SORL1: variants seen among roughly 807,000 people sequenced by gnomAD.
SORL1 encodes sortilin related receptor 1, also known as sortilin-related receptor.
Under a neutral mutation model 273.7 loss-of-function variants are expected in SORL1, and 127 were observed. The observed-to-expected ratio is 0.46, with a 90% CI of 0.40 to 0.54. The LOEUF is 0.54. Among genes scored for constraint, SORL1 ranks in the 20% least tolerant of loss-of-function variants. The pLI is 0.00. For missense variants in SORL1, 2,494 were observed against 2,846.1 expected (o/e 0.88, Z 2.81); for synonymous variants, 1,031 against 1,067.4 (o/e 0.97, Z 0.66).
intron 38 of SORL1, 165 bp from the exon 39 acceptor site, chr11:121,610,911 A>C (rs1863552954): frequency 1.7e-6 from 1 of 571,796 alleles, no homozygotes; most frequent in Non-Finnish European, 3.1e-6. Context: ...CCTTAGCTTC[A>C]GGAAAACAGT....
At chr11:121,585,494 T>A (rs980675321) in intron 26 of SORL1, among the ~76,000 whole-genome samples, 4 of 115,742 alleles carry the variant, frequency 3.5e-5, no homozygotes, top group Non-Finnish European at 1.7e-5. Context: ...AAAAAAAAAA[T>A]GTATATACAC....
At chr11:121,520,504 G>C (rs1862023445) in intron 8 of SORL1, among the ~76,000 whole-genome samples, 153 bp from the exon 9 acceptor site, 1 of 152,182 alleles carries the variant, frequency 6.6e-6, no homozygotes, top group Non-Finnish European at 1.5e-5. Context: ...ATGATGAAAT[G>C]TTCTGGAACT....
intron 8 of SORL1, among the ~76,000 whole-genome samples, chr11:121,519,360 A>G (rs917699462): frequency 4.0e-5 from 6 of 151,642 alleles, no homozygotes; most frequent in Non-Finnish European, 7.4e-5. Context: ...TGGCTGTGGC[A>G]TCAGGGTATC....
intron 32 of SORL1, among the ~76,000 whole-genome samples, chr11:121,598,915 T>C (rs1863343172): frequency 6.6e-6 from 1 of 152,250 alleles, no homozygotes; most frequent in South Asian, 2.1e-4. Context: ...TTTCTTTGAC[T>C]AAAAGTCAAG....
intron 47 of SORL1, 28 bp from the exon 48 acceptor site, chr11:121,629,468 C>T: frequency 2.3e-6 from 3 of 1,295,362 alleles, no homozygotes; most frequent in Non-Finnish European, 3.4e-6. Context: ...TGTTGGAACT[C>T]ACCAAGGCCT....
chr11:121,586,153 C>T (rs555249743), intron 26 of SORL1, 69 bp from the exon 27 acceptor site: 567 of 1,270,740 alleles, frequency 4.5e-4, no homozygotes, highest in Non-Finnish European at 6.0e-4. Flanking sequence ...GTACTCCCGC[C>T]AGCACTGTGT....
chr11:121,475,769 G>T (rs892250006), intron 2 of SORL1, among the ~76,000 whole-genome samples: 4 of 152,154 alleles, frequency 2.6e-5, no homozygotes, highest in Admixed American at 2.6e-4. Context: ...GGTATGACCC[G>T]GAGCTAGCCA....
At chr11:121,587,949 C>T in intron 27 of SORL1, 71 bp from the exon 28 acceptor site, 1 of 1,590,168 alleles carries the variant, frequency 6.3e-7, no homozygotes, top group South Asian at 1.1e-5. Context: ...CTCGTGTGCA[C>T]TTGCCCAGGG....
At chr11:121,566,739 G>T in intron 21 of SORL1, 1 of 526,994 alleles carries the variant, frequency 1.9e-6, no homozygotes. Context: ...TGATCTGGCT[G>T]AAGACAGGAT....
chr11:121,537,360 G>A (rs961913756), intron 12 of SORL1, among the ~76,000 whole-genome samples: 3 of 152,190 alleles, frequency 2.0e-5, no homozygotes, highest in Non-Finnish European at 4.4e-5. Flanking sequence ...TCAGTGGAGA[G>A]AGACTGGAGG....
At chr11:121,625,980 T>A (rs1863789816) in intron 46 of SORL1, among the ~76,000 whole-genome samples, 1 of 152,200 alleles carries the variant, frequency 6.6e-6, no homozygotes, top group South Asian at 2.1e-4. Flanking sequence ...TCATAGTGTT[T>A]CTCAGGGTGA....
rs1229345903 is a variant in SORL1 at position 121,545,448 on chromosome 11, G to A, written c.2051+19G>A. The A allele has an allele frequency of 1.2e-6, 2 of 1,611,900 alleles. No homozygotes were observed. Among genetic ancestry groups the A allele is most frequent in the Middle Eastern group, 1.7e-4 (1 of 5,894 alleles). Reference sequence around the variant, plus strand: ...ATGAGTGGTCAGTTCTTCTTTGATGGCTGGGGACTGAGTTGTGTTTTATTC... The same window carrying A: ...ATGAGTGGTCAGTTCTTCTTTGATGACTGGGGACTGAGTTGTGTTTTATTC... On this transcript the variant is annotated intron_variant, in intron 14 of 47. Coordinates refer to ENST00000260197, the MANE Select transcript of SORL1 (RefSeq NM_003105.6).
rs1863456165 is a variant in SORL1, at chr11:121,605,544, T to A, written c.4921T>A (p.Phe1641Ile). Residue 1641 changes from phenylalanine (F) to isoleucine (I), a missense_variant, in exon 35 of 48, where the codon TTT becomes ATT. By Grantham distance (21) the Phe-to-Ile change is conservative. Transcript: ENST00000260197. Reference sequence around the variant, plus strand: ...CAGCAAGGCACACAACACCAATGACTTTGTGACCCTGAGGACCCCAGAGGG... The same window carrying A: ...CAGCAAGGCACACAACACCAATGACATTGTGACCCTGAGGACCCCAGAGGG... ...CLSKAHNTND[F>I]VTLRTPEGLP... 1 of 1,613,922 alleles carries A rather than the reference T, an allele frequency of 6.2e-7. No homozygotes were observed. The highest frequency in any genetic ancestry group is 1.7e-5 in the Admixed American group (1 of 59,998).
rs1374154140 is a variant in SORL1 at position 121,596,096 on chromosome 11, A to G, written c.4519+324A>G. 6.6e-6 allele frequency among the ~76,000 whole-genome samples: 1 copy of G among 152,240 alleles called. No individual in the cohort carries two copies. The highest frequency in any genetic ancestry group is 1.5e-5 in the Non-Finnish European group (1 of 68,046). ...TTTAAAAACGCCCTTGGGGAAAGCCACAACTCTTCTGTATGTACATTCATT... is the reference window on the plus strand; with the variant it reads ...TTTAAAAACGCCCTTGGGGAAAGCCGCAACTCTTCTGTATGTACATTCATT... On this transcript the variant is annotated intron_variant, in intron 32 of 47. Coordinates refer to ENST00000260197, the MANE Select transcript of SORL1 (RefSeq NM_003105.6). This position sits in a 1 kb window ranked among gnomAD's most constrained non-coding sequence, Gnocchi z 4.3.
chr11:121,467,922 C>T lies in SORL1; in HGVS notation c.286-2085C>T, dbSNP rs1008180694. ...TAGGTCCTTTTCTTTAAAGTAAGGT[C>T]GCCTTTCAAATGTTTTTCAAAAAGA... On this transcript the variant is annotated intron_variant, in intron 1 of 47. Coordinates refer to ENST00000260197, the MANE Select transcript of SORL1 (RefSeq NM_003105.6). Among the ~76,000 whole-genome samples the T allele has an allele frequency of 1.5e-3, 221 of 152,224 alleles. 1 individual carries two copies. The highest frequency in any genetic ancestry group is 5.1e-3 in the African/African-American group (211 of 41,516).
At position 121,545,237 on chromosome 11, in the gene SORL1, C is replaced by A; in HGVS notation, c.1865-6C>A. The A allele has an allele frequency of 1.9e-6, 3 of 1,613,898 alleles. No individual in the cohort carries two copies. The highest frequency in any genetic ancestry group is 2.5e-6 in the Non-Finnish European group (3 of 1,179,846). ...AATGCTTCGTGCTGTGTTCCTTTTT[C>A]TTTAGGAGTTCCCTGCACAGAGAAT... On this transcript the variant is annotated splice_polypyrimidine_tract_variant and splice_region_variant and intron_variant, in intron 13 of 47. Transcript: ENST00000260197.
At chr11:121,546,668 G>A (rs1191761095) in intron 14 of SORL1, among the ~76,000 whole-genome samples, 1 of 152,190 alleles carries the variant, frequency 6.6e-6, no homozygotes, top group Non-Finnish European at 1.5e-5. Flanking sequence ...TAGGCCATAT[G>A]GTTTCTATGA....
intron 11 of SORL1, among the ~76,000 whole-genome samples, chr11:121,529,686 G>A (rs1387674701): frequency 3.3e-5 from 5 of 152,042 alleles, no homozygotes; most frequent in African/African-American, 4.8e-5. Context: ...AAAGGCACAT[G>A]CCACCATGCC....
At chr11:121,570,394 T>TA in intron 23 of SORL1, 124 bp downstream of exon 23, 2 of 615,586 alleles carry the variant, frequency 3.2e-6, no homozygotes, top group Non-Finnish European at 5.9e-6. Flanking sequence ...CCATCTAAGT[T>TA]GATGGGGCTT....
Sources: allele counts gnomAD v4.1 joint callset (sites outside exome capture counted in the v4.1 genomes callset), GRCh38; gene constraint gnomAD v4.1.1; non-coding constraint Gnocchi (gnomAD v3.1); transcripts MANE v1.5; gene names NCBI Gene and HGNC (gene_info 2026-07-23, HGNC 2026-07-21).